Variants in CACNB4 observed in about 807,000 individuals in gnomAD.
CACNB4 encodes calcium voltage-gated channel auxiliary subunit beta 4, also known as voltage-dependent L-type calcium channel subunit beta-4.
A neutral mutation model predicts 71.2 loss-of-function variants in CACNB4; 32 were observed. That is an observed-to-expected ratio of 0.45 (90% CI 0.34 to 0.60). CACNB4 has a LOEUF of 0.60. Among genes scored for constraint, CACNB4 ranks in the 20% least tolerant of loss-of-function variants. The pLI, the probability that CACNB4 is intolerant of heterozygous loss-of-function variation, is 0.01. For synonymous variants in CACNB4, 231 were observed against 236.9 expected, an observed-to-expected ratio of 0.97 and a Z score of 0.23; for missense variants, 464 against 647.9, an observed-to-expected ratio of 0.72 and a Z score of 3.08.
chr2:151,856,348 G>C (rs2151362148), intron 10 of CACNB4, among the ~76,000 whole-genome samples: 1 of 152,220 alleles, frequency 6.6e-6, no homozygotes, highest in East Asian at 1.9e-4. Flanking sequence ...CTGTTGCCTA[G>C]GCTGGAGTGC....
chr2:151,900,054 T>C (rs2099853000), intron 2 of CACNB4, among the ~76,000 whole-genome samples: 2 of 152,138 alleles, frequency 1.3e-5, no homozygotes, highest in African/African-American at 4.8e-5. Context: ...GAGGGAGGCT[T>C]AAGCAGAATT....
intron 2 of CACNB4, among the ~76,000 whole-genome samples, chr2:152,052,286 T>C (rs1367153958): frequency 6.6e-6 from 1 of 152,196 alleles, no homozygotes; most frequent in African/African-American, 2.4e-5. Context: ...AAAGTGAAAA[T>C]CAGATTATTC....
intron 2 of CACNB4, among the ~76,000 whole-genome samples, chr2:151,892,514 T>A (rs542735936): frequency 7.2e-5 from 11 of 152,142 alleles, no homozygotes; most frequent in South Asian, 6.2e-4. Context: ...TGAAAAAATA[T>A]CTTTAAATAA....
intron 2 of CACNB4, among the ~76,000 whole-genome samples, chr2:152,050,000 A>G (rs1685338396): frequency 1.3e-5 from 2 of 152,202 alleles, no homozygotes; most frequent in South Asian, 4.1e-4. Context: ...GGACACCCAA[A>G]TGTTTTAATC....
intron 2 of CACNB4, among the ~76,000 whole-genome samples, chr2:151,899,956 A>T (rs543023993): frequency 5.9e-5 from 9 of 152,208 alleles, no homozygotes; most frequent in Non-Finnish European, 1.3e-4. Context: ...CCATAAAAGT[A>T]CCATAACAAA....
In CACNB4 at chr2:151,877,882, T is replaced by C. The variant is rs1253051147; in HGVS notation, c.391-1326A>G. On this transcript the variant is annotated intron_variant, in intron 4 of 13. Transcript: ENST00000539935. ...TGTCAATGTGGGCTTATTTGGTGGA[T>C]TGGCAAAATTGCATTTCTAATTATA... Among the ~76,000 whole-genome samples the C allele has an allele frequency of 3.3e-5, 5 of 152,140 alleles. No homozygotes were observed. In the East Asian group the frequency reaches 5.8e-4, roughly 18 times the overall value.
intron 2 of CACNB4, among the ~76,000 whole-genome samples, chr2:151,940,909 G>T (rs1292500757): frequency 6.6e-6 from 1 of 152,168 alleles, no homozygotes; most frequent in Non-Finnish European, 1.5e-5. Context: ...CTCAGTCCTG[G>T]TCTGGCTGGG....
intron 2 of CACNB4, among the ~76,000 whole-genome samples, chr2:151,915,330 G>T (rs1294348788): frequency 6.6e-6 from 1 of 152,196 alleles, no homozygotes; most frequent in Non-Finnish European, 1.5e-5. Context: ...CCTGGCTCCA[G>T]CAGGGAAAAA....
chr2:152,092,389 G>A (rs1361561646), intron 2 of CACNB4, among the ~76,000 whole-genome samples: 1 of 152,152 alleles, frequency 6.6e-6, no homozygotes, highest in Non-Finnish European at 1.5e-5. Context: ...GAATTTGTTT[G>A]CCAACTTGTT....
At chr2:152,075,515 G>C (rs140344043) in intron 2 of CACNB4, among the ~76,000 whole-genome samples, 2 of 152,190 alleles carry the variant, frequency 1.3e-5, no homozygotes, top group African/African-American at 4.8e-5. Flanking sequence ...ACCAGAAAAA[G>C]CAACAGAAGG....
intron 2 of CACNB4, among the ~76,000 whole-genome samples, chr2:152,049,699 A>G (rs1000950948): frequency 6.6e-6 from 1 of 152,112 alleles, no homozygotes; most frequent in African/African-American, 2.4e-5. Context: ...TAATATCCGA[A>G]TCTACAGAAA....
At chr2:151,870,449 A>G (rs1043155613) in intron 8 of CACNB4, 82 bp downstream of exon 8, 6 of 1,184,016 alleles carry the variant, frequency 5.1e-6, no homozygotes, top group African/African-American at 1.5e-5. Flanking sequence ...ACGTGGAAAC[A>G]GACCCTTGAG....
At chr2:151,952,747 G>A (rs1419332778) in intron 2 of CACNB4, among the ~76,000 whole-genome samples, 1 of 151,888 alleles carries the variant, frequency 6.6e-6, no homozygotes, top group Non-Finnish European at 1.5e-5. Flanking sequence ...ATTGTGACAG[G>A]GGAAAAAATG....
At chr2:151,982,062 T>C (rs981918204) in intron 2 of CACNB4, among the ~76,000 whole-genome samples, 39 of 152,176 alleles carry the variant, frequency 2.6e-4, no homozygotes, top group African/African-American at 8.4e-4. Flanking sequence ...GTGTCAGGTA[T>C]GAAGAAAATG....
At chr2:151,840,921 G>C (rs1206536218) in intron 13 of CACNB4, among the ~76,000 whole-genome samples, 1 of 152,174 alleles carries the variant, frequency 6.6e-6, no homozygotes, top group African/African-American at 2.4e-5. Context: ...AATTGATGTA[G>C]AAAGGCAGGC....
At chr2:152,033,388 A>G (rs1426799877) in intron 2 of CACNB4, among the ~76,000 whole-genome samples, 2 of 152,298 alleles carry the variant, frequency 1.3e-5, no homozygotes, top group East Asian at 1.9e-4. Context: ...ATCCTAGAAG[A>G]GCAACTTCAG....
intron 12 of CACNB4, among the ~76,000 whole-genome samples, chr2:151,846,069 A>G (rs2099837481): frequency 6.6e-6 from 1 of 152,224 alleles, no homozygotes; most frequent in Non-Finnish European, 1.5e-5. Context: ...AGGTCTTTAA[A>G]AAAAAGTATT....
rs1431549782 is a variant in CACNB4, at chr2:152,092,116, C to A, written c.147+6214G>T. On this transcript the variant is annotated intron_variant, in intron 2 of 13. Coordinates refer to ENST00000539935, the MANE Select transcript of CACNB4 (RefSeq NM_000726.5). ...GCCAGGATCCCTTGTGTCTGTTCTACCATTATCTATTGGTATGACCTTTAT... is the reference window on the plus strand; with the variant it reads ...GCCAGGATCCCTTGTGTCTGTTCTAACATTATCTATTGGTATGACCTTTAT... Among the ~76,000 whole-genome samples, 5 of 152,152 alleles carry A rather than the reference C, an allele frequency of 3.3e-5. No homozygotes were observed. The East Asian group carries it at 9.6e-4, about 29-fold the overall frequency.
At chr2:151,902,258 T>C (rs2099853642) in intron 2 of CACNB4, among the ~76,000 whole-genome samples, 1 of 152,164 alleles carries the variant, frequency 6.6e-6, no homozygotes, top group South Asian at 2.1e-4. Context: ...CTCAAACTCC[T>C]GGACTCAAGT....
Sources: allele counts gnomAD v4.1 joint callset (sites outside exome capture counted in the v4.1 genomes callset), GRCh38; gene constraint gnomAD v4.1.1; transcripts MANE v1.5; gene names NCBI Gene and HGNC (gene_info 2026-07-23, HGNC 2026-07-21).